The following LRMDA variants were observed in gnomAD, a reference collection of about 807,000 sequenced individuals.
LRMDA encodes leucine-rich melanocyte differentiation-associated protein.
LRMDA carries 18 observed loss-of-function variants against 29.8 expected under a neutral mutation model. The ratio of observed to expected loss-of-function variants is 0.60; its 90% CI spans 0.42 to 0.90. The LOEUF is 0.90. Ranked by LOEUF, LRMDA falls within the 40% of genes least tolerant of loss-of-function variation. The pLI is 0.00. For missense variants in LRMDA, 273 were observed against 273.9 expected, an observed-to-expected ratio of 1.00 and a Z score of 0.02; for synonymous variants, 125 against 109.4, an observed-to-expected ratio of 1.14 and a Z score of -0.89.
chr10:76,028,163 G>T (rs938519555), intron 2 of LRMDA, among the ~76,000 whole-genome samples: 4 of 152,058 alleles, frequency 2.6e-5, no homozygotes, highest in Non-Finnish European at 4.4e-5. Context: ...ACAAAACTAT[G>T]TTAAAATCTA....
At chr10:76,383,960 T>TA (rs1491166107) in intron 6 of LRMDA, among the ~76,000 whole-genome samples, 2 of 149,564 alleles carry the variant, frequency 1.3e-5, no homozygotes, top group African/African-American at 5.0e-5. Context: ...ATACCTGCCA[T>TA]TTTTTTTTCT....
chr10:75,678,004 G>T (rs187183725), intron 2 of LRMDA, among the ~76,000 whole-genome samples: 1 of 152,264 alleles, frequency 6.6e-6, no homozygotes, highest in Non-Finnish European at 1.5e-5. Flanking sequence ...TGTAACATGT[G>T]TTTCCCAAAG....
chr10:76,272,665 T>C lies in LRMDA; in HGVS notation c.517-51736T>C, dbSNP rs142066138. On this transcript the variant is annotated intron_variant, in intron 5 of 6. Coordinates refer to ENST00000611255, the MANE Select transcript of LRMDA (RefSeq NM_001305581.2). ...TTGGAAAAGCTGGTCTGGAGGCCTG[T>C]ATTAGTTTGTTCTCACACTGCTATA... Among the ~76,000 whole-genome samples the C allele has an allele frequency of 2.0e-4, 31 of 152,232 alleles. No homozygotes were observed. The East Asian group carries it at 5.2e-3, about 26-fold the overall frequency.
At chr10:76,047,051 C>CT in intron 3 of LRMDA, 113 bp from the exon 4 acceptor site, 1 of 1,155,146 alleles carries the variant, frequency 8.7e-7, no homozygotes, top group South Asian at 1.4e-5. Context: ...ATTTCAGCCC[C>CT]CACCCTGAGG....
intron 6 of LRMDA, among the ~76,000 whole-genome samples, chr10:76,519,372 C>G (rs1330985470): frequency 6.6e-6 from 1 of 152,054 alleles, no homozygotes; most frequent in African/African-American, 2.4e-5. Flanking sequence ...GAGTATCTAC[C>G]TAAAACAAAC....
intron 5 of LRMDA, among the ~76,000 whole-genome samples, chr10:76,188,950 A>ACG (rs148405679): frequency 5.3e-5 from 8 of 151,696 alleles, no homozygotes; most frequent in South Asian, 4.2e-4. Flanking sequence ...ACACACACAC[A>ACG]CACACACACA....
chr10:76,485,496 A>G (rs12266600), intron 6 of LRMDA, among the ~76,000 whole-genome samples: 43 of 151,934 alleles, frequency 2.8e-4, no homozygotes, highest in African/African-American at 1.0e-3. Context: ...TTATCACCGA[A>G]TACAGTGCTA....
Position 75,846,169 on chromosome 10 carries a change from GTGTGTGTT to G in LRMDA, c.132-189831_132-189824del, listed in dbSNP as rs1422119792. On this transcript the variant is annotated intron_variant, in intron 2 of 6. Coordinates refer to ENST00000611255, the MANE Select transcript of LRMDA (RefSeq NM_001305581.2). ...GCTGTTGCTTTTGTTACTTATTTGTGTGTGTGTTTGTGTGTGTGTGTGTGTGTGTGTGT... is the reference window on the plus strand; with the variant it reads ...GCTGTTGCTTTTGTTACTTATTTGTGTGTGTGTGTGTGTGTGTGTGTGTGT... 3.7e-3 allele frequency among the ~76,000 whole-genome samples: 426 copies of G among 116,508 alleles called. 2 individuals are homozygous for G. The highest frequency in any genetic ancestry group is 0.016 in the African/African-American group (418 of 26,834). 76.4% of individuals were successfully genotyped at this position (116,508 alleles called of 152,430 possible).
chr10:76,427,123 T>A (rs1842136020), intron 6 of LRMDA, among the ~76,000 whole-genome samples: 2 of 152,146 alleles, frequency 1.3e-5, no homozygotes, highest in Admixed American at 1.3e-4. Context: ...TAAAGTAGTT[T>A]TTTCCAATTC....
At chr10:76,028,282 A>G (rs1848093997) in intron 2 of LRMDA, among the ~76,000 whole-genome samples, 1 of 152,084 alleles carries the variant, frequency 6.6e-6, no homozygotes, top group Admixed American at 6.6e-5. Flanking sequence ...TTTCCATCCA[A>G]GGTTTTTGGT....
At chr10:76,003,744 G>A (rs1488833767) in intron 2 of LRMDA, among the ~76,000 whole-genome samples, 4 of 152,156 alleles carry the variant, frequency 2.6e-5, no homozygotes, top group Non-Finnish European at 5.9e-5. Context: ...AGCTCATAGT[G>A]TCTGATAGGG....
At chr10:75,454,367 G>T (rs1844491702) in intron 2 of LRMDA, among the ~76,000 whole-genome samples, 2 of 152,250 alleles carry the variant, frequency 1.3e-5, no homozygotes, top group African/African-American at 4.8e-5. Flanking sequence ...AGTAAAACGG[G>T]CAGGAGACGG....
At chr10:75,499,836 G>A (rs1845092263) in intron 2 of LRMDA, among the ~76,000 whole-genome samples, 1 of 152,176 alleles carries the variant, frequency 6.6e-6, no homozygotes, top group East Asian at 1.9e-4. Flanking sequence ...GGTGTCTAGA[G>A]CCAAGGTCTG....
chr10:75,523,052 C>T (rs1231543611), intron 2 of LRMDA, among the ~76,000 whole-genome samples: 4 of 152,230 alleles, frequency 2.6e-5, no homozygotes, highest in Non-Finnish European at 5.9e-5. Context: ...ACAATCATTT[C>T]CCCTCTTTGA....
chr10:75,735,897 AT>A (rs750915481), intron 2 of LRMDA, among the ~76,000 whole-genome samples: 1 of 152,052 alleles, frequency 6.6e-6, no homozygotes, highest in African/African-American at 2.4e-5. Flanking sequence ...TTACTTATAA[AT>A]TTTTTTTACA....
intron 5 of LRMDA, among the ~76,000 whole-genome samples, chr10:76,202,179 A>G (rs1157622096): frequency 1.3e-5 from 2 of 152,168 alleles, no homozygotes; most frequent in Admixed American, 6.5e-5. Context: ...CAACATAAGA[A>G]GGGATTGTTT....
chr10:76,536,642 A>G (rs938129786), intron 6 of LRMDA, among the ~76,000 whole-genome samples: 3 of 152,188 alleles, frequency 2.0e-5, no homozygotes, highest in African/African-American at 7.2e-5. Context: ...ATTCAAGTTT[A>G]ACATTTTGGC....
rs372939987 is a variant in LRMDA, at chr10:76,172,927, G to C, written c.516+114144G>C. 3.9e-5 allele frequency among the ~76,000 whole-genome samples: 6 copies of C among 152,212 alleles called. No individual in the cohort carries two copies. The East Asian group carries it at 9.7e-4, about 24-fold the overall frequency. ...AAACATGAGAAATATGACCCAAAAT[G>C]GGGAGAAAAATTTGATCAATAGAAA... On this transcript the variant is annotated intron_variant, in intron 5 of 6. Transcript: ENST00000611255.
At chr10:76,220,661 G>C (rs1373729903) in intron 5 of LRMDA, among the ~76,000 whole-genome samples, 5 of 152,202 alleles carry the variant, frequency 3.3e-5, no homozygotes, top group Admixed American at 3.3e-4. Context: ...TCCAGGACCA[G>C]ATGGATTCAT....
Sources: allele counts gnomAD v4.1 joint callset (sites outside exome capture counted in the v4.1 genomes callset), GRCh38; gene constraint gnomAD v4.1.1; transcripts MANE v1.5; gene names NCBI Gene and HGNC (gene_info 2026-07-23, HGNC 2026-07-21).